Variants in PPP2R1B observed in about 807,000 individuals in gnomAD.
PPP2R1B encodes serine/threonine-protein phosphatase 2A 65 kDa regulatory subunit A beta isoform.
Under a neutral mutation model 72.7 loss-of-function variants are expected in PPP2R1B, and 58 were observed. The observed-to-expected ratio is 0.80, with a 90% CI of 0.65 to 0.99. The LOEUF is 0.99. PPP2R1B is among the 50% of genes least tolerant of loss of function. PPP2R1B has a pLI of 0.00. For missense variants in PPP2R1B, 695 were observed against 733.6 expected (o/e 0.95, Z 0.61); for synonymous variants, 256 against 264.6 (o/e 0.97, Z 0.32).
chr11:111,715,313 AC>A, the PPP2R1B span, among the ~76,000 whole-genome samples: 3 of 152,210 alleles, frequency 2.0e-5, no homozygotes, highest in African/African-American at 7.2e-5. Context: ...AAGTGCACAC[AC>A]ACACACAGAA....
At chr11:111,692,410 G>A in the PPP2R1B span, among the ~76,000 whole-genome samples, 2 of 137,138 alleles carry the variant, frequency 1.5e-5, no homozygotes, top group Non-Finnish European at 3.1e-5. Context: ...GAGAGGGAGA[G>A]AGAGAGATAG....
chr11:111,688,077 T>C, the PPP2R1B span: 1 of 1,614,170 alleles, frequency 6.2e-7, no homozygotes, highest in Non-Finnish European at 8.5e-7. The surrounding 1 kb of genome is among the most constrained non-coding windows in gnomAD (Gnocchi z 4.2). Flanking sequence ...CTGCTGTTGA[T>C]TATTGTCATG....
At chr11:111,720,945 A>G in the PPP2R1B span, 2 of 1,614,190 alleles carry the variant, frequency 1.2e-6, no homozygotes, top group South Asian at 2.2e-5. Context: ...CTAGAACCAA[A>G]GGAATTCTAG....
the PPP2R1B span, among the ~76,000 whole-genome samples, chr11:111,715,546 G>A: frequency 6.6e-6 from 1 of 152,198 alleles, no homozygotes; most frequent in Non-Finnish European, 1.5e-5. Flanking sequence ...AAATCCCTTG[G>A]GGAGTCTGAA....
rs1395800576 is a variant in PPP2R1B at position 111,764,794 on chromosome 11, T to C, written c.306+11A>G. On this transcript the variant is annotated intron_variant, in intron 3 of 14. Coordinates refer to ENST00000527614, the MANE Select transcript of PPP2R1B (RefSeq NM_002716.5). ...TTGTAGAAGGAGGGTAGGCAGCTTA[T>C]AAATACTCACCAGCAGACAGTGGGC... 1 of 1,613,592 alleles carries C rather than the reference T, an allele frequency of 6.2e-7. No individual in the cohort carries two copies. Among genetic ancestry groups the C allele is most frequent in the Admixed American group, 1.7e-5 (1 of 60,020 alleles).
intron 3 of PPP2R1B, 139 bp downstream of exon 3, chr11:111,764,666 C>T: frequency 1.2e-6 from 1 of 808,512 alleles, no homozygotes; most frequent in Non-Finnish European, 1.9e-6. Flanking sequence ...AGTACTTATT[C>T]TCTCAATGAC....
chr11:111,747,056 AAG>A (rs1358750357), intron 11 of PPP2R1B, among the ~76,000 whole-genome samples: 1 of 152,212 alleles, frequency 6.6e-6, no homozygotes, highest in Non-Finnish European at 1.5e-5. Context: ...TAGATGAACA[AAG>A]AGATACACTA....
At chr11:111,716,437 C>A in the PPP2R1B span, among the ~76,000 whole-genome samples, 8 of 152,048 alleles carry the variant, frequency 5.3e-5, no homozygotes, top group African/African-American at 1.9e-4. Context: ...ATTAGCCAGG[C>A]ATGGTGGTGC....
At chr11:111,718,320 CTA>C in the PPP2R1B span, among the ~76,000 whole-genome samples, 2 of 152,120 alleles carry the variant, frequency 1.3e-5, no homozygotes, top group Admixed American at 6.5e-5. Flanking sequence ...TGCAAGGAAA[CTA>C]TTAAGTTTAG....
intron 3 of PPP2R1B, 50 bp downstream of exon 3, chr11:111,764,755 T>G (rs782485215): frequency 3.8e-6 from 6 of 1,575,336 alleles, no homozygotes; most frequent in Non-Finnish European, 5.2e-6. Context: ...AATGTATCAT[T>G]TATACTGCAA....
chr11:111,725,802 C>G (rs1451345406), downstream of PPP2R1B: 3 of 152,630 alleles, frequency 2.0e-5, no homozygotes, highest in African/African-American at 7.2e-5. Context: ...TGAGCAGTCC[C>G]TGTTGCTGGC....
chr11:111,712,321 T>C, the PPP2R1B span: 1 of 1,614,216 alleles, frequency 6.2e-7, no homozygotes, highest in Admixed American at 1.7e-5. Flanking sequence ...TTCCAGCATC[T>C]GGCTGTCAGG....
Position 111,740,466 on chromosome 11 carries a change from A to G in PPP2R1B, c.*1130T>C, listed in dbSNP as rs1944481349. The G allele has an allele frequency of 1.0e-6, 1 of 983,588 alleles. No homozygotes were observed. The highest frequency in any genetic ancestry group is 4.7e-5 in the South Asian group (1 of 21,250). The allele number at this position is 983,588 out of a possible 1,614,324, so 60.9% of individuals were successfully genotyped here. ...AATTCTTGACCTCAAATGATCCCAAATAGGTGCTTTTTAAAAAGGGCTTTA... is the reference window on the plus strand; with the variant it reads ...AATTCTTGACCTCAAATGATCCCAAGTAGGTGCTTTTTAAAAAGGGCTTTA... On this transcript the variant is annotated 3_prime_UTR_variant, in exon 15 of 15. Transcript: ENST00000527614.
downstream of PPP2R1B, among the ~76,000 whole-genome samples, chr11:111,737,000 T>C (rs894015836): frequency 9.2e-5 from 14 of 152,364 alleles, no homozygotes; most frequent in African/African-American, 2.2e-4. Context: ...ATGGGGCTTG[T>C]AGAACATCTG....
Position 111,742,045 on chromosome 11 carries a change from A to C in PPP2R1B, c.1789+8T>G. On this transcript the variant is annotated splice_region_variant and intron_variant, in intron 14 of 14. Coordinates refer to ENST00000527614, the MANE Select transcript of PPP2R1B (RefSeq NM_002716.5). ...ATAAGCTGCAAGGCAAAAGAAGGAA[A>C]TACATACCACTTATAGCTTCCTGTG... The C allele has an allele frequency of 6.2e-7, 1 of 1,606,312 alleles. No individual in the cohort carries two copies. The highest frequency in any genetic ancestry group is 1.1e-5 in the South Asian group (1 of 90,894).
chr11:111,763,847 ACTCT>A (rs60119313), intron 3 of PPP2R1B, among the ~76,000 whole-genome samples: 1,985 of 146,324 alleles, frequency 0.014, 23 homozygotes, highest in African/African-American at 0.032. Context: ...CAGAAAAAAA[ACTCT>A]CTCTCTCTCT....
In PPP2R1B at chr11:111,744,073, T is replaced by C. The variant is rs139404026; in HGVS notation, c.1400-543A>G. 3.3e-5 allele frequency among the ~76,000 whole-genome samples: 5 copies of C among 152,294 alleles called. No homozygotes were observed. In the East Asian group the frequency reaches 9.6e-4, roughly 29 times the overall value. On this transcript the variant is annotated intron_variant, in intron 11 of 14. Transcript: ENST00000527614. ...GGAATTCCTAGAAAGGGTAAAGACA[T>C]GTATCCAGGACACAAACAGAAAAAA... is the stretch of plus-strand genomic sequence containing the variant.
rs782060653 is a variant in PPP2R1B at position 111,753,486 on chromosome 11, A to T, written c.1121T>A (p.Ile374Asn). Residue 374 changes from isoleucine (I) to asparagine (N), a missense_variant, in exon 9 of 15, where the codon ATT (isoleucine) becomes AAT (asparagine). Ile to Asn is a moderately radical substitution (Grantham distance 149). Transcript: ENST00000527614. ...TAAGAAAAGAGGTAGAAGATGTTCAATGGTATTTTCTTTGCCCAAAATAGT... is the reference window on the plus strand; with the variant it reads ...TAAGAAAAGAGGTAGAAGATGTTCATTGGTATTTTCTTTGCCCAAAATAGT... ...LSTILGKENT[I>N]EHLLPLFLAQ... 6.2e-7 allele frequency: 1 copy of T among 1,613,936 alleles called. No individual in the cohort carries two copies. The highest frequency in any genetic ancestry group is 8.5e-7 in the Non-Finnish European group (1 of 1,179,916).
the PPP2R1B span, among the ~76,000 whole-genome samples, chr11:111,691,757 A>C: frequency 6.6e-6 from 1 of 152,180 alleles, no homozygotes; most frequent in South Asian, 2.1e-4. Flanking sequence ...ATCCTCAAAA[A>C]TTTTAGTAAA....
Sources: allele counts gnomAD v4.1 joint callset (sites outside exome capture counted in the v4.1 genomes callset), GRCh38; gene constraint gnomAD v4.1.1; non-coding constraint Gnocchi (gnomAD v3.1); transcripts MANE v1.5; gene names NCBI Gene and HGNC (gene_info 2026-07-23, HGNC 2026-07-21).